GAP43: variants seen among roughly 807,000 people sequenced by gnomAD.
GAP43 encodes growth associated protein 43, also known as neuromodulin.
In GAP43, 6 loss-of-function variants were observed where a neutral mutation model predicts 18.6. The ratio of observed to expected loss-of-function variants is 0.32; its 90% CI spans 0.18 to 0.64. The LOEUF is 0.64. Among genes scored for constraint, GAP43 ranks in the 30% least tolerant of loss-of-function variants. GAP43 has a pLI of 0.78. For missense variants in GAP43, 292 were observed against 295.5 expected, an observed-to-expected ratio of 0.99 and a Z score of 0.09; for synonymous variants, 115 against 111.4, an observed-to-expected ratio of 1.03 and a Z score of -0.20.
intron 2 of GAP43, among the ~76,000 whole-genome samples, chr3:115,695,228 C>T (rs1169747665): frequency 6.6e-6 from 1 of 152,172 alleles, no homozygotes; most frequent in African/African-American, 2.4e-5. Context: ...CTTTTTAAAA[C>T]TGGAACCTTA....
chr3:115,633,247 A>G (rs1365108699), intron 1 of GAP43, among the ~76,000 whole-genome samples: 1 of 152,056 alleles, frequency 6.6e-6, no homozygotes, highest in African/African-American at 2.4e-5. Flanking sequence ...AGAGGGAGAG[A>G]GACAGAGAGA....
At chr3:115,698,100 A>ATATATAATATATATATTATATAT (rs1422004210) in intron 2 of GAP43, among the ~76,000 whole-genome samples, 2 of 44,784 alleles carry the variant, frequency 4.5e-5, no homozygotes, top group Admixed American at 5.4e-4. Context: ...ATTATATATA[A>ATATATAATATATATATTATATAT]TATATAAAAT....
At chr3:115,659,832 AT>A (rs1391629450) in intron 1 of GAP43, among the ~76,000 whole-genome samples, 1 of 152,162 alleles carries the variant, frequency 6.6e-6, no homozygotes, top group Non-Finnish European at 1.5e-5. Flanking sequence ...TTCTTTTTAA[AT>A]AGGTTGAAGC....
chr3:115,667,513 A>G (rs1248727264), intron 1 of GAP43, among the ~76,000 whole-genome samples: 2 of 152,232 alleles, frequency 1.3e-5, no homozygotes, highest in African/African-American at 4.8e-5. Flanking sequence ...GAAAATACTT[A>G]TCTTATTGCA....
intron 1 of GAP43, among the ~76,000 whole-genome samples, chr3:115,655,954 C>G (rs1256100623): frequency 6.6e-6 from 1 of 152,178 alleles, no homozygotes; most frequent in Non-Finnish European, 1.5e-5. Flanking sequence ...TTGAGGCCTG[C>G]CACATGCCTT....
intron 2 of GAP43, among the ~76,000 whole-genome samples, chr3:115,699,752 TTTTA>T (rs1283796383): frequency 1.3e-5 from 2 of 152,166 alleles, no homozygotes; most frequent in Non-Finnish European, 2.9e-5. Flanking sequence ...TTAAGAAGGA[TTTTA>T]TTTAATTAAA....
At chr3:115,668,828 C>T (rs1198618075) in intron 1 of GAP43, among the ~76,000 whole-genome samples, 2 of 151,996 alleles carry the variant, frequency 1.3e-5, no homozygotes, top group East Asian at 1.9e-4. Context: ...GGCTTGAGTC[C>T]AGGAGTTTGA....
intron 1 of GAP43, among the ~76,000 whole-genome samples, chr3:115,649,893 C>A (rs1020032837): frequency 2.0e-5 from 3 of 151,144 alleles, no homozygotes; most frequent in Non-Finnish European, 4.4e-5. Context: ...TCTTTTTTCC[C>A]TCAGTGAAGA....
intron 1 of GAP43, among the ~76,000 whole-genome samples, chr3:115,643,693 C>T (rs1364912141): frequency 1.3e-5 from 2 of 151,926 alleles, no homozygotes; most frequent in Non-Finnish European, 1.5e-5. Context: ...AAATGGCACC[C>T]CACCCTAACA....
intron 2 of GAP43, among the ~76,000 whole-genome samples, chr3:115,699,019 G>A (rs1436353728): frequency 2.0e-5 from 3 of 152,120 alleles, no homozygotes; most frequent in African/African-American, 4.8e-5. Flanking sequence ...TTGTAAAAGC[G>A]GCAGCCATTC....
intron 1 of GAP43, 31 bp from the exon 2 acceptor site, chr3:115,675,982 C>A: frequency 6.4e-7 from 1 of 1,561,678 alleles, no homozygotes; most frequent in South Asian, 1.2e-5. Context: ...GTCATTGAAG[C>A]CCTCTCTTTT....
intron 1 of GAP43, among the ~76,000 whole-genome samples, chr3:115,632,280 G>C (rs1208928336): frequency 6.6e-6 from 1 of 152,120 alleles, no homozygotes; most frequent in Non-Finnish European, 1.5e-5. Flanking sequence ...ATGCAGGGCT[G>C]GTTGGGAGAC....
At chr3:115,666,401 A>G (rs1708733408) in intron 1 of GAP43, among the ~76,000 whole-genome samples, 2 of 152,190 alleles carry the variant, frequency 1.3e-5, no homozygotes, top group African/African-American at 4.8e-5. Flanking sequence ...ATCAGGATGA[A>G]TACAGTCTCA....
At chr3:115,648,968 G>A (rs186734917) in intron 1 of GAP43, among the ~76,000 whole-genome samples, 9 of 152,200 alleles carry the variant, frequency 5.9e-5, no homozygotes, top group Admixed American at 5.2e-4. Context: ...TGAGTAGTGA[G>A]GATGAAAGCC....
chr3:115,702,611 C>G (rs1432687839), intron 2 of GAP43, among the ~76,000 whole-genome samples: 1 of 152,036 alleles, frequency 6.6e-6, no homozygotes, highest in African/African-American at 2.4e-5. Context: ...CATGTCTTGG[C>G]AGGGTGGTTT....
intron 1 of GAP43, among the ~76,000 whole-genome samples, chr3:115,633,419 G>A (rs1469780915): frequency 6.6e-6 from 1 of 152,156 alleles, no homozygotes; most frequent in Middle Eastern, 3.2e-3. Context: ...AGTTGGTTGA[G>A]AATTAGTCTC....
At chr3:115,695,878 GA>G (rs1468338436) in intron 2 of GAP43, among the ~76,000 whole-genome samples, 1 of 152,128 alleles carries the variant, frequency 6.6e-6, no homozygotes, top group Non-Finnish European at 1.5e-5. Context: ...TCTACTCTTT[GA>G]AACACTTTCA....
intron 1 of GAP43, among the ~76,000 whole-genome samples, chr3:115,648,409 C>T (rs1313407949): frequency 6.6e-6 from 1 of 152,096 alleles, no homozygotes; most frequent in Non-Finnish European, 1.5e-5. Context: ...AAACCCACTG[C>T]ACCCTATAAG....
chr3:115,720,864 T>C lies in GAP43; in HGVS notation c.699T>C (p.Ala233=). 1 of 1,612,544 alleles carries C rather than the reference T, an allele frequency of 6.2e-7. No individual in the cohort carries two copies. The highest frequency in any genetic ancestry group is 8.5e-7 in the Non-Finnish European group (1 of 1,178,954). ...QDEGKEEEPE[A]DQEHA Reference sequence around the variant, plus strand: ...AGGGTAAAGAAGAGGAACCTGAGGCTGACCAAGAACATGCCTGAACTCTAA... The same window carrying C: ...AGGGTAAAGAAGAGGAACCTGAGGCCGACCAAGAACATGCCTGAACTCTAA... Residue 233 remains alanine, a synonymous_variant, in exon 3 of 3, where the codon GCT becomes GCC. Transcript: ENST00000305124.
Sources: allele counts gnomAD v4.1 joint callset (sites outside exome capture counted in the v4.1 genomes callset), GRCh38; gene constraint gnomAD v4.1.1; transcripts MANE v1.5; gene names NCBI Gene and HGNC (gene_info 2026-07-23, HGNC 2026-07-21).